Variants in REPS1 observed in about 807,000 individuals in gnomAD.
REPS1 encodes ralBP1-associated Eps domain-containing protein 1.
A neutral mutation model predicts 100.9 loss-of-function variants in REPS1; 39 were observed. The ratio of observed to expected loss-of-function variants is 0.39; its 90% confidence interval spans 0.30 to 0.50. The LOEUF (loss-of-function observed/expected upper bound fraction) is 0.50, where lower values mean the gene tolerates loss of function less well. Among genes scored for constraint, REPS1 ranks in the 20% least tolerant of loss-of-function variants. The pLI, the probability that REPS1 is intolerant of heterozygous loss-of-function variation, is 0.86. For synonymous variants in REPS1, 324 were observed against 340.3 expected, an observed-to-expected ratio of 0.95 and a Z score of 0.53; for missense variants, 821 against 968.5, an observed-to-expected ratio of 0.85 and a Z score of 2.02.
chr6:138,916,105 T>C, intron 13 of REPS1, 129 bp from the exon 14 acceptor site: 1 of 737,286 alleles, frequency 1.4e-6, no homozygotes, highest in Non-Finnish European at 2.5e-6. Flanking sequence ...CTCAAGTATG[T>C]AAGTGTTACA....
intron 1 of REPS1, among the ~76,000 whole-genome samples, chr6:138,951,914 T>C (rs917107963): frequency 2.0e-5 from 3 of 152,212 alleles, no homozygotes; most frequent in African/African-American, 7.2e-5. Context: ...TGCATATTTG[T>C]ATGCAGTTCA....
intron 1 of REPS1, among the ~76,000 whole-genome samples, chr6:138,962,136 A>G (rs546564661): frequency 2.0e-5 from 3 of 152,332 alleles, no homozygotes; most frequent in Admixed American, 6.5e-5. Flanking sequence ...CTTCTGTCCC[A>G]AAGGTATTCA....
At chr6:138,916,022 A>G (rs1422979526) in intron 13 of REPS1, 46 bp from the exon 14 acceptor site, 5 of 1,380,312 alleles carry the variant, frequency 3.6e-6, no homozygotes, top group Non-Finnish European at 5.2e-6. Context: ...CTGATATCAG[A>G]GCTTTTTTCT....
At chr6:138,952,329 C>A (rs1783089862) in intron 1 of REPS1, among the ~76,000 whole-genome samples, 1 of 151,988 alleles carries the variant, frequency 6.6e-6, no homozygotes, top group Non-Finnish European at 1.5e-5. Context: ...AAAAAACTCT[C>A]AGATCTGATA....
At chr6:138,965,007 A>G (rs926031676) in intron 1 of REPS1, among the ~76,000 whole-genome samples, 3 of 152,138 alleles carry the variant, frequency 2.0e-5, no homozygotes, top group African/African-American at 7.2e-5. Flanking sequence ...ATAGTTCTTG[A>G]CTTCAATTTC....
chr6:138,907,389 A>T, intron 19 of REPS1, 106 bp downstream of exon 19: 1 of 713,674 alleles, frequency 1.4e-6, no homozygotes, highest in Non-Finnish European at 2.3e-6. Context: ...AAAATTAGAG[A>T]AGAGAACCAT....
rs144465848 is a variant in REPS1 at position 138,956,230 on chromosome 6, A to G, written c.154-8317T>C. On this transcript the variant is annotated intron_variant, in intron 1 of 19. Transcript: ENST00000450536. ...AACCCACAATAATAAAGAGGAAGTT[A>G]GCTGACAGAAAATTTCAATAAATTT... 2.0e-3 allele frequency among the ~76,000 whole-genome samples: 299 copies of G among 152,266 alleles called. 1 individual carries two copies. The highest frequency in any genetic ancestry group is 7.1e-3 in the African/African-American group (295 of 41,568).
chr6:138,930,241 A>T, intron 8 of REPS1, 143 bp from the exon 9 acceptor site: 1 of 642,904 alleles, frequency 1.6e-6, no homozygotes, highest in Non-Finnish European at 2.6e-6. Flanking sequence ...ATGTTCTCAG[A>T]GTAAGCATTT....
intron 2 of REPS1, among the ~76,000 whole-genome samples, chr6:138,947,329 T>C (rs1782701916): frequency 6.6e-6 from 1 of 152,124 alleles, no homozygotes; most frequent in Admixed American, 6.6e-5. Context: ...AAAGTTTAGG[T>C]TAACTGTTAC....
chr6:138,967,462 T>C (rs1582841477), intron 1 of REPS1, among the ~76,000 whole-genome samples: 1 of 152,288 alleles, frequency 6.6e-6, no homozygotes, highest in East Asian at 1.9e-4. Context: ...AAAAGTACAG[T>C]ATCACACACA....
In REPS1 at chr6:138,919,058, C is replaced by T. The variant is rs142753029; in HGVS notation, c.1528+1157G>A. Among the ~76,000 whole-genome samples the T allele has an allele frequency of 1.7e-3, 255 of 152,204 alleles. 1 individual carries two copies. The highest frequency in any genetic ancestry group is 6.0e-3 in the African/African-American group (249 of 41,530). On this transcript the variant is annotated intron_variant, in intron 12 of 19. Transcript: ENST00000450536. The stretch of plus-strand genomic sequence containing the variant: ...ATTTCCATCTGGATATTTTAACAGG[C>T]ACCTCAAGTTTAAAGCATATGAAAC...
chr6:138,955,457 A>AGTGTGT (rs1554294151), intron 1 of REPS1, among the ~76,000 whole-genome samples: 3,357 of 90,694 alleles, frequency 0.037, 220 homozygotes, highest in African/African-American at 0.13. Context: ...AAAAAAAAAA[A>AGTGTGT]GTGTGTGTGT....
At position 138,912,954 on chromosome 6, in the gene REPS1, T is replaced by TG. The variant is rs1458296543; in HGVS notation, c.1786-5dup. 1 of 1,611,754 alleles carries TG rather than the reference T, an allele frequency of 6.2e-7. No homozygotes were observed. The highest frequency in any genetic ancestry group is 8.5e-7 in the Non-Finnish European group (1 of 1,178,662). On this transcript the variant is annotated splice_region_variant and splice_polypyrimidine_tract_variant and intron_variant, in intron 15 of 19. Transcript: ENST00000450536. ...GATGCACAGCAGGACCAGGAGCCTG[T>TG]GCAATGGTTCAGAACAGAGGAACAC...
chr6:138,970,652 T>C (rs1379331819), intron 1 of REPS1, among the ~76,000 whole-genome samples: 1 of 152,020 alleles, frequency 6.6e-6, no homozygotes, highest in Non-Finnish European at 1.5e-5. Flanking sequence ...GGCATGGTGG[T>C]GCACACCTGT....
intron 1 of REPS1, among the ~76,000 whole-genome samples, chr6:138,968,964 T>C (rs184423402): frequency 1.1e-3 from 173 of 152,258 alleles, no homozygotes; most frequent in Non-Finnish European, 2.0e-3. Context: ...ATCTCACTCT[T>C]TGGGGAACAA....
At chr6:138,923,625 A>T (rs545114872) in intron 10 of REPS1, among the ~76,000 whole-genome samples, 8 of 152,326 alleles carry the variant, frequency 5.3e-5, no homozygotes, top group African/African-American at 1.9e-4. Context: ...AGATTCTACC[A>T]AAGGCTACTA....
chr6:138,907,844 G>GTA (rs1779761813), intron 18 of REPS1, among the ~76,000 whole-genome samples: 1 of 151,640 alleles, frequency 6.6e-6, no homozygotes, highest in Admixed American at 6.6e-5. Context: ...CTGAATTTAA[G>GTA]TAAAAGAGTC....
At chr6:138,921,175 A>G (rs1780730811) in intron 10 of REPS1, 51 bp from the exon 11 acceptor site, 3 of 1,204,686 alleles carry the variant, frequency 2.5e-6, no homozygotes, top group African/African-American at 1.5e-5. Context: ...TGTCAAGCTA[A>G]TGCCATGCAA....
chr6:138,965,130 T>C (rs1783943848), intron 1 of REPS1, among the ~76,000 whole-genome samples: 1 of 152,174 alleles, frequency 6.6e-6, no homozygotes, highest in Admixed American at 6.5e-5. Context: ...TCTACTCTGA[T>C]AAAAGTAGTA....
Sources: allele counts gnomAD v4.1 joint callset (sites outside exome capture counted in the v4.1 genomes callset), GRCh38; gene constraint gnomAD v4.1.1; transcripts MANE v1.5; gene names NCBI Gene and HGNC (gene_info 2026-07-23, HGNC 2026-07-21).